ATXN7: variants seen among roughly 807,000 people sequenced by gnomAD.
ATXN7 encodes ataxin 7, also known as ataxin-7.
ATXN7 carries 12 observed loss-of-function variants against 70.5 expected under a neutral mutation model. The observed-to-expected ratio is 0.17, with a 90% CI of 0.11 to 0.28. The LOEUF (loss-of-function observed/expected upper bound fraction) is 0.28. Ranked by LOEUF, ATXN7 falls within the 10% of genes least tolerant of loss-of-function variation. The pLI, the probability that ATXN7 is intolerant of heterozygous loss-of-function variation, is 1.00. For synonymous variants in ATXN7, 498 were observed against 448.7 expected (o/e 1.11, Z -1.39); for missense variants, 1,256 against 1,131.7 (o/e 1.11, Z -1.58).
chr3:63,967,682 T>A (rs1575964379), intron 5 of ATXN7: 1 of 984,952 alleles, frequency 1.0e-6, no homozygotes, highest in East Asian at 3.2e-5. Context: ...ATAGAAAGAT[T>A]AATTTACACC....
At chr3:63,955,628 C>G (rs1395039636) in intron 5 of ATXN7, among the ~76,000 whole-genome samples, 1 of 152,114 alleles carries the variant, frequency 6.6e-6, no homozygotes, top group Admixed American at 6.5e-5. Context: ...TTTTAGAAAG[C>G]CAGTTGTTGC....
intron 12 of ATXN7, chr3:63,997,842 C>T (rs2075784587): frequency 3.0e-6 from 3 of 985,304 alleles, no homozygotes; most frequent in Non-Finnish European, 3.6e-6. Context: ...GGTGAATTAA[C>T]ACCCATTGCC....
In ATXN7 at chr3:63,996,548, C is replaced by T. The variant is rs1265660950; in HGVS notation, c.2661+65C>T. The T allele has an allele frequency of 7.8e-6, 12 of 1,532,264 alleles. No individual in the cohort carries two copies. The African/African-American group carries it at 1.7e-4, about 22-fold the overall frequency. The allele number at this position is 1,532,264 out of a possible 1,614,324, so 94.9% of individuals were successfully genotyped here. On this transcript the variant is annotated intron_variant, in intron 12 of 12. Transcript: ENST00000674280. Reference sequence around the variant, plus strand: ...CTTCTCCCTTAAGATCTTTTGTCAGCTCAGAAATGTGTTTGGTTGGGTTGG... The same window carrying T: ...CTTCTCCCTTAAGATCTTTTGTCAGTTCAGAAATGTGTTTGGTTGGGTTGG...
At chr3:63,928,462 AAGCATCTTAGACAAT>A (rs1409591578) in intron 4 of ATXN7, among the ~76,000 whole-genome samples, 1 of 152,180 alleles carries the variant, frequency 6.6e-6, no homozygotes, top group Non-Finnish European at 1.5e-5. Context: ...TTAAAAAATT[AAGCATCTTAGACAAT>A]ACCTGGTAGA....
At chr3:63,980,454 C>T (rs1387932326) in intron 6 of ATXN7, 7 of 409,608 alleles carry the variant, frequency 1.7e-5, no homozygotes, top group Non-Finnish European at 3.1e-5. Context: ...CACAACAACC[C>T]TATGGAATAG....
At chr3:63,955,126 A>G (rs140576675) in intron 5 of ATXN7, among the ~76,000 whole-genome samples, 1 of 152,344 alleles carries the variant, frequency 6.6e-6, no homozygotes, top group East Asian at 1.9e-4. Context: ...GATAACTTCA[A>G]ACATGTAAAT....
rs764885053 is a variant in ATXN7, at chr3:63,988,186, C to T, written c.1223C>T (p.Pro408Leu). ...LIRHPDSQQP[P>L]QPLRDPHPAP... ...CGCCATCCGGACTCTCAGCAACCAC[C>T]GCAGCCTCTCAGGGACCCGCATCCC... Residue 408 changes from proline to leucine, a missense_variant, in exon 9 of 13, where the codon CCG becomes CTG. Transcript: ENST00000674280. 1.1e-5 allele frequency: 17 copies of T among 1,613,962 alleles called. No individual in the cohort carries two copies. The highest frequency in any genetic ancestry group is 6.7e-5 in the Admixed American group (4 of 59,982).
At chr3:63,961,522 G>T (rs1052653286) in intron 5 of ATXN7, among the ~76,000 whole-genome samples, 9 of 152,228 alleles carry the variant, frequency 5.9e-5, no homozygotes, top group African/African-American at 2.2e-4. Context: ...CAGCAGTTCT[G>T]ATTTGGGTTG....
chr3:64,003,079 T>A lies in ATXN7; in HGVS notation c.*3612T>A, dbSNP rs143867995. On this transcript the variant is annotated 3_prime_UTR_variant, in exon 13 of 13. Coordinates refer to ENST00000674280, the MANE Select transcript of ATXN7 (RefSeq NM_001377405.1). The stretch of plus-strand genomic sequence containing the variant: ...GGGCGATTGGGCTTTGAAAAAATAT[T>A]CTTAAAAGTTTGTTTAGCAGAAAAT... 1.4e-4 allele frequency: 22 copies of A among 152,298 alleles called. 1 individual carries two copies. In the East Asian group the frequency reaches 4.2e-3, roughly 29 times the overall value. 9.4% of individuals were successfully genotyped at this position (152,298 alleles called of 1,614,324 possible).
intron 5 of ATXN7, among the ~76,000 whole-genome samples, chr3:63,976,528 T>G (rs898829460): frequency 1.4e-4 from 22 of 152,206 alleles, no homozygotes; most frequent in Non-Finnish European, 3.1e-4. Context: ...TAGACTTTTT[T>G]GGGATATTAT....
At chr3:63,990,526 A>T in intron 10 of ATXN7, 152 bp downstream of exon 10, 1 of 1,164,328 alleles carries the variant, frequency 8.6e-7, no homozygotes, top group Non-Finnish European at 1.2e-6. Context: ...CAGAGGCAGC[A>T]CACACTCTGT....
rs772918244 is a variant in ATXN7, at chr3:63,912,702, A to C, written c.104A>C (p.Gln35Pro). The change falls in exon 3 of 13, where the codon CAG becomes CCG. Residue 35 changes from glutamine (Q) to proline (P), a missense_variant. Gln to Pro is a moderately conservative substitution (Grantham distance 76). Coordinates refer to ENST00000674280, the MANE Select transcript of ATXN7 (RefSeq NM_001377405.1). ...AAAARQQQQQQQQQQPPPPQP... is the reference protein window; with the variant it reads ...AAAARQQQQQPQQQQPPPPQP... ...GCCGCCCGGCAGCAGCAGCAGCAGC[A>C]GCAGCAGCAGCAGCCGCCGCCTCCG... 2.2e-3 allele frequency: 2,634 copies of C among 1,185,296 alleles called. 5 individuals are homozygous for C. Among genetic ancestry groups the C allele is most frequent in the Admixed American group, 2.7e-3 (68 of 25,114 alleles). 73.4% of individuals were successfully genotyped at this position (1,185,296 alleles called of 1,614,324 possible).
At chr3:63,889,441 T>A (rs1703189979) in intron 1 of ATXN7, among the ~76,000 whole-genome samples, 1 of 152,228 alleles carries the variant, frequency 6.6e-6, no homozygotes, top group Non-Finnish European at 1.5e-5. Context: ...TTGTGGAATG[T>A]CACCATACGA....
At chr3:63,891,635 T>C (rs1382507650) in intron 1 of ATXN7, among the ~76,000 whole-genome samples, 1 of 152,204 alleles carries the variant, frequency 6.6e-6, no homozygotes, top group Non-Finnish European at 1.5e-5. Flanking sequence ...CACAACATTT[T>C]TGTTCACATT....
rs770170952 is a variant in ATXN7 at position 63,988,149 on chromosome 3, A to G, written c.1186A>G (p.Lys396Glu). 6.2e-7 allele frequency: 1 copy of G among 1,614,148 alleles called. No homozygotes were observed. The highest frequency in any genetic ancestry group is 8.5e-7 in the Non-Finnish European group (1 of 1,180,028). Residue 396 changes from lysine (K) to glutamate (E), a missense_variant, in exon 9 of 13, where the codon AAG (lysine) becomes GAG (glutamate). Physicochemically the swap from Lys to Glu is moderately conservative, Grantham distance 56. Coordinates refer to ENST00000674280, the MANE Select transcript of ATXN7 (RefSeq NM_001377405.1). The stretch of plus-strand genomic sequence containing the variant: ...CGAGCACAAAAACAAAACCAGGGAA[A>G]AGGAATTGATTCGCCATCCGGACTC... ...LAEHKNKTRE[K>E]ELIRHPDSQQ... is the part of the protein sequence containing the mutation.
At chr3:63,889,309 A>G (rs1340446948) in intron 1 of ATXN7, among the ~76,000 whole-genome samples, 1 of 152,186 alleles carries the variant, frequency 6.6e-6, no homozygotes, top group African/African-American at 2.4e-5. Context: ...AACTGACCAT[A>G]TTTGTACTCC....
intron 2 of ATXN7, chr3:63,905,613 A>C (rs1255536917): frequency 6.6e-6 from 1 of 152,216 alleles, no homozygotes; most frequent in Non-Finnish European, 1.5e-5. Context: ...AACCATTTGG[A>C]AAAATCCTCA....
intron 4 of ATXN7, among the ~76,000 whole-genome samples, chr3:63,950,231 T>A (rs2074932050): frequency 6.6e-6 from 1 of 152,180 alleles, no homozygotes; most frequent in Non-Finnish European, 1.5e-5. Context: ...GAATCCTTAT[T>A]ATTTGAAAGG....
intron 1 of ATXN7, among the ~76,000 whole-genome samples, chr3:63,895,934 TGAGA>T (rs1703431816): frequency 6.6e-6 from 1 of 152,278 alleles, no homozygotes; most frequent in Non-Finnish European, 1.5e-5. Flanking sequence ...TCCTATAGAC[TGAGA>T]GAGCACTTAG....
Sources: allele counts gnomAD v4.1 joint callset (sites outside exome capture counted in the v4.1 genomes callset), GRCh38; gene constraint gnomAD v4.1.1; transcripts MANE v1.5; gene names NCBI Gene and HGNC (gene_info 2026-07-23, HGNC 2026-07-21).